LUZP2: variants seen among roughly 807,000 people sequenced by gnomAD.
The protein encoded by LUZP2 is leucine zipper protein 2.
In LUZP2, 52 loss-of-function variants were observed where a neutral mutation model predicts 51.6. The ratio of observed to expected loss-of-function variants is 1.01; its 90% CI spans 0.81 to 1.27. LUZP2 has a LOEUF of 1.27. LUZP2 is among the 50% of genes most tolerant of loss of function. The pLI is 0.00. For synonymous variants in LUZP2, 154 were observed against 137.3 expected, an observed-to-expected ratio of 1.12 and a Z score of -0.85; for missense variants, 436 against 395.4, an observed-to-expected ratio of 1.10 and a Z score of -0.87.
chr11:24,628,851 G>T (rs371208304), intron 1 of LUZP2, among the ~76,000 whole-genome samples: 1 of 152,178 alleles, frequency 6.6e-6, no homozygotes, highest in East Asian at 1.9e-4. Context: ...GAGGCCTCTT[G>T]CCCGGCCTGC....
chr11:25,073,125 T>A (rs961592679), intron 10 of LUZP2, among the ~76,000 whole-genome samples: 3 of 152,054 alleles, frequency 2.0e-5, no homozygotes, highest in Non-Finnish European at 4.4e-5. Context: ...AACAATTAAT[T>A]AAATTGTGAC....
intron 9 of LUZP2, among the ~76,000 whole-genome samples, chr11:24,993,062 C>A (rs1158203319): frequency 6.6e-6 from 1 of 152,062 alleles, no homozygotes; most frequent in African/African-American, 2.4e-5. Context: ...ATTCAATATT[C>A]TATTGATATA....
intron 5 of LUZP2, among the ~76,000 whole-genome samples, chr11:24,856,287 A>AT (rs1242346085): frequency 6.8e-6 from 1 of 147,208 alleles, no homozygotes; most frequent in Non-Finnish European, 1.5e-5. Context: ...ATATGAACAG[A>AT]CTTTTTCAAA....
chr11:24,679,271 T>A (rs909098484), intron 1 of LUZP2, among the ~76,000 whole-genome samples: 4 of 152,164 alleles, frequency 2.6e-5, no homozygotes, highest in African/African-American at 9.7e-5. Flanking sequence ...GTGTTAAAAT[T>A]TTTCATGACA....
At chr11:24,749,923 G>A (rs1859516376) in intron 4 of LUZP2, among the ~76,000 whole-genome samples, 1 of 152,056 alleles carries the variant, frequency 6.6e-6, no homozygotes, top group Non-Finnish European at 1.5e-5. Flanking sequence ...GCTTTCAGAT[G>A]GCCTATCATG....
intron 1 of LUZP2, among the ~76,000 whole-genome samples, chr11:24,630,905 G>C (rs531548533): frequency 6.6e-6 from 1 of 151,604 alleles, no homozygotes; most frequent in Non-Finnish European, 1.5e-5. Flanking sequence ...TTTTTGTAGA[G>C]ATCTTTCCTC....
At chr11:24,622,638 A>T (rs1051936173) in intron 1 of LUZP2, among the ~76,000 whole-genome samples, 4 of 152,172 alleles carry the variant, frequency 2.6e-5, no homozygotes, top group African/African-American at 9.6e-5. Flanking sequence ...TTCAAATCTG[A>T]CTAAAGTGCT....
rs764723270 is a variant in LUZP2 at position 24,769,786 on chromosome 11, C to CTCTT, written c.396+6479_396+6480insCTTT. 2.1e-4 allele frequency among the ~76,000 whole-genome samples: 31 copies of CTCTT among 147,026 alleles called. No individual in the cohort carries two copies. In the South Asian group the frequency reaches 4.4e-3, roughly 21 times the overall value. On this transcript the variant is annotated intron_variant, in intron 5 of 11. Transcript: ENST00000336930. ...GAAATAGGGAATCACACTAAATTCT[C>CTCTT]TTTTTTGTTTGTTTGTTTTGTTTTG... is the stretch of plus-strand genomic sequence containing the variant.
At chr11:25,055,289 G>A (rs751680534) in intron 10 of LUZP2, among the ~76,000 whole-genome samples, 17 of 152,024 alleles carry the variant, frequency 1.1e-4, no homozygotes, top group South Asian at 2.1e-4. Flanking sequence ...GATTACAGGC[G>A]TAAGCCACTG....
At chr11:24,689,254 G>A (rs4357690) in intron 1 of LUZP2, among the ~76,000 whole-genome samples, 57,474 of 152,014 alleles carry the variant, frequency 0.38, 11,118 homozygotes, top group East Asian at 0.58. Context: ...TCTTCCCTTG[G>A]AGCAGGCTGT....
intron 5 of LUZP2, among the ~76,000 whole-genome samples, chr11:24,812,503 T>C (rs1468874836): frequency 1.3e-5 from 2 of 152,222 alleles, no homozygotes; most frequent in African/African-American, 2.4e-5. Flanking sequence ...TGAGCTTTTA[T>C]TTCCAGATTC....
chr11:25,075,847 A>C (rs922645726), intron 10 of LUZP2, among the ~76,000 whole-genome samples: 1 of 152,182 alleles, frequency 6.6e-6, no homozygotes, highest in Non-Finnish European at 1.5e-5. Context: ...GAGTAGATTT[A>C]ATCTACTATA....
intron 10 of LUZP2, among the ~76,000 whole-genome samples, chr11:25,050,890 A>G (rs894364016): frequency 6.6e-6 from 1 of 152,240 alleles, no homozygotes; most frequent in Non-Finnish European, 1.5e-5. Context: ...GATAGGAAAT[A>G]TGGAATTTGT....
At chr11:24,903,694 G>C (rs757325975) in intron 5 of LUZP2, among the ~76,000 whole-genome samples, 13 of 152,102 alleles carry the variant, frequency 8.5e-5, no homozygotes, top group Non-Finnish European at 1.6e-4. Flanking sequence ...CTCTCCTTTA[G>C]CCTGCCCATC....
At position 24,692,898 on chromosome 11, in the gene LUZP2, G is replaced by A. The variant is rs78757415; in HGVS notation, c.63-36271G>A. 8.3e-3 allele frequency among the ~76,000 whole-genome samples: 1,268 copies of A among 151,930 alleles called. 20 individuals are homozygous for A. Among genetic ancestry groups the A allele is most frequent in the African/African-American group, 0.027 (1,139 of 41,464 alleles). The stretch of plus-strand genomic sequence containing the variant: ...TCCCTTCAAATAACTGCATATGGGA[G>A]TCTATTTGATTTTCACAGCTGCTAT... On this transcript the variant is annotated intron_variant, in intron 1 of 11. Transcript: ENST00000336930.
intron 1 of LUZP2, among the ~76,000 whole-genome samples, chr11:24,728,687 C>T (rs542686025): frequency 6.6e-6 from 1 of 152,110 alleles, no homozygotes; most frequent in African/African-American, 2.4e-5. Context: ...AGCAGCAAAT[C>T]TCCTGCTCCC....
At chr11:24,925,966 C>G (rs1478406214) in intron 7 of LUZP2, among the ~76,000 whole-genome samples, 1 of 151,904 alleles carries the variant, frequency 6.6e-6, no homozygotes, top group Non-Finnish European at 1.5e-5. Flanking sequence ...TAGCTTAGCT[C>G]CCACTTATGA....
At chr11:24,693,901 T>C (rs1278361664) in intron 1 of LUZP2, among the ~76,000 whole-genome samples, 1 of 152,082 alleles carries the variant, frequency 6.6e-6, no homozygotes, top group South Asian at 2.1e-4. Context: ...AAAAAGGCAG[T>C]GTAGAGCAAA....
chr11:24,758,938 T>A (rs1490695727), intron 4 of LUZP2, among the ~76,000 whole-genome samples: 2 of 152,056 alleles, frequency 1.3e-5, no homozygotes, highest in Non-Finnish European at 2.9e-5. Flanking sequence ...AAGATGTATA[T>A]CTGAAAAAAT....
Sources: allele counts gnomAD v4.1 joint callset (sites outside exome capture counted in the v4.1 genomes callset), GRCh38; gene constraint gnomAD v4.1.1; transcripts MANE v1.5; gene names NCBI Gene and HGNC (gene_info 2026-07-23, HGNC 2026-07-21).